The following RNF212B variants were observed in gnomAD, a reference collection of about 807,000 sequenced individuals.
RNF212B encodes the protein ring finger protein 212B, also known as E3 ubiquitin-protein ligase RNF212B.
Under a neutral mutation model 55.5 loss-of-function variants are expected in RNF212B, and 52 were observed. That is an observed-to-expected ratio of 0.94 (90% CI 0.75 to 1.18). The LOEUF is 1.18. Among genes scored for constraint, RNF212B ranks in the 50% most tolerant of loss-of-function variants. RNF212B has a pLI of 0.00. For synonymous variants in RNF212B, 99 were observed against 121.4 expected, an observed-to-expected ratio of 0.82 and a Z score of 1.21; for missense variants, 289 against 350.4, an observed-to-expected ratio of 0.82 and a Z score of 1.40.
At position 23,273,052 on chromosome 14, in the gene RNF212B, C is replaced by T. The variant is rs1387355371; in HGVS notation, c.*161C>T. The T allele has an allele frequency of 1.3e-5, 6 of 464,048 alleles. No homozygotes were observed. Among genetic ancestry groups the T allele is most frequent in the Middle Eastern group, 4.2e-4 (1 of 2,402 alleles). The allele number at this position is 464,048 out of a possible 1,614,324, so 28.7% of individuals were successfully genotyped here. ...ATCTTTACCCTATTCACCCTTATCA[C>T]CTCCCAGGACAGTGGTCAGGTCTTA... On this transcript the variant is annotated 3_prime_UTR_variant, in exon 15 of 15. Transcript: ENST00000430154.
chr14:23,216,200 C>T (rs991561700), intron 2 of RNF212B, among the ~76,000 whole-genome samples: 1 of 151,856 alleles, frequency 6.6e-6, no homozygotes, highest in East Asian at 1.9e-4. Flanking sequence ...GAGTCAAGAT[C>T]GTGCCACTGC....
chr14:23,188,677 C>T (rs368820298), intron 1 of RNF212B, among the ~76,000 whole-genome samples: 15 of 152,086 alleles, frequency 9.9e-5, no homozygotes, highest in African/African-American at 2.9e-4. Flanking sequence ...ACTGCATTAC[C>T]CAGGCTGATC....
chr14:23,218,434 T>C (rs184378534), intron 2 of RNF212B, among the ~76,000 whole-genome samples: 1 of 150,616 alleles, frequency 6.6e-6, no homozygotes, highest in Admixed American at 6.6e-5. Context: ...AAAAGTAATC[T>C]CTTAAAAGTA....
At chr14:23,255,655 A>G (rs1884774514) in intron 4 of RNF212B, among the ~76,000 whole-genome samples, 1 of 152,242 alleles carries the variant, frequency 6.6e-6, no homozygotes, top group Non-Finnish European at 1.5e-5. Context: ...GTTTGGGACC[A>G]GGAGTTCAAG....
At chr14:23,220,517 G>A (rs945307394) in intron 2 of RNF212B, among the ~76,000 whole-genome samples, 1 of 151,722 alleles carries the variant, frequency 6.6e-6, no homozygotes, top group African/African-American at 2.4e-5. Context: ...GGGCAACATA[G>A]CGAGACTCTG....
chr14:23,206,981 A>G (rs534115842), intron 2 of RNF212B, among the ~76,000 whole-genome samples: 12 of 152,326 alleles, frequency 7.9e-5, no homozygotes, highest in Non-Finnish European at 1.6e-4. Context: ...AGGCCTTTCA[A>G]ATACAAACAT....
At chr14:23,268,741 G>A (rs1376557039) in intron 11 of RNF212B, among the ~76,000 whole-genome samples, 183 bp from the exon 12 acceptor site, 1 of 152,286 alleles carries the variant, frequency 6.6e-6, no homozygotes, top group African/African-American at 2.4e-5. Flanking sequence ...AAAGGGAGAG[G>A]AAAGCACCTA....
chr14:23,264,196 A>G lies in RNF212B; in HGVS notation c.547A>G (p.Ile183Val). 2 of 1,550,326 alleles carry G rather than the reference A, an allele frequency of 1.3e-6. No homozygotes were observed. The highest frequency in any genetic ancestry group is 1.7e-6 in the Non-Finnish European group (2 of 1,146,670). Residue 183 changes from isoleucine (I) to valine (V), a missense_variant, in exon 10 of 15, where the codon ATT becomes GTT. By Grantham distance (29) the Ile-to-Val change is conservative. Transcript: ENST00000430154. ...CAGTCGGTCCTCCTCAGCGGAATCTATTCCTTATAGAGAGGCTGGCTTTGG... is the reference window on the plus strand; with the variant it reads ...CAGTCGGTCCTCCTCAGCGGAATCTGTTCCTTATAGAGAGGCTGGCTTTGG... The part of the protein sequence containing the change: ...VVSRSSSAES[I>V]PYREAGFGSL...
intron 4 of RNF212B, among the ~76,000 whole-genome samples, chr14:23,246,102 A>G (rs1263789205): frequency 6.6e-6 from 1 of 151,438 alleles, no homozygotes; most frequent in African/African-American, 2.4e-5. Context: ...GGAGAACCTC[A>G]TATAGATCTG....
intron 2 of RNF212B, among the ~76,000 whole-genome samples, chr14:23,201,122 A>G (rs757488499): frequency 1.3e-5 from 2 of 152,220 alleles, no homozygotes; most frequent in Non-Finnish European, 1.5e-5. Context: ...AGTTCAGTCC[A>G]TGCAGTTAAT....
chr14:23,242,135 T>C (rs1883644704), intron 2 of RNF212B, among the ~76,000 whole-genome samples: 1 of 106,176 alleles, frequency 9.4e-6, no homozygotes, highest in South Asian at 3.2e-4. Context: ...GAAAAACCTT[T>C]AGTCCCCAGA....
At chr14:23,230,717 C>T (rs1194471779) in intron 2 of RNF212B, among the ~76,000 whole-genome samples, 2 of 150,208 alleles carry the variant, frequency 1.3e-5, no homozygotes, top group South Asian at 2.1e-4. Flanking sequence ...AAGATTTTCC[C>T]CTATATTTTC....
chr14:23,272,392 C>G (rs965768556), intron 14 of RNF212B: 3 of 229,176 alleles, frequency 1.3e-5, no homozygotes, highest in Non-Finnish European at 2.6e-5. Flanking sequence ...GCACTCCAGC[C>G]TGGGTGACAG....
chr14:23,254,460 A>T (rs1884657096), intron 4 of RNF212B, among the ~76,000 whole-genome samples: 1 of 152,186 alleles, frequency 6.6e-6, no homozygotes, highest in South Asian at 2.1e-4. Context: ...TCTCTATCAA[A>T]ATAAAAATAA....
At chr14:23,218,442 G>C (rs1881289883) in intron 2 of RNF212B, among the ~76,000 whole-genome samples, 1 of 151,204 alleles carries the variant, frequency 6.6e-6, no homozygotes. Context: ...TCTCTTAAAA[G>C]TAGAATTGAT....
At chr14:23,238,635 G>A (rs534374658) in intron 1 of RNF212B, among the ~76,000 whole-genome samples, 6 of 151,864 alleles carry the variant, frequency 4.0e-5, no homozygotes, top group Non-Finnish European at 8.8e-5. Context: ...CTACTCCAGA[G>A]GCTGAGGTGG....
intron 2 of RNF212B, among the ~76,000 whole-genome samples, chr14:23,217,659 A>T (rs1441751995): frequency 2.6e-5 from 4 of 152,132 alleles, no homozygotes; most frequent in Non-Finnish European, 5.9e-5. Context: ...TCCAGATCAC[A>T]TCCAAGACCA....
chr14:23,248,444 T>A lies in RNF212B; in HGVS notation c.228+4048T>A, dbSNP rs1159915829. On this transcript the variant is annotated intron_variant, in intron 4 of 14. Transcript: ENST00000430154. ...ACCACGCCCAACCCCAAGCCTCTTT[T>A]TTTTTTTTTTTTTTTGAGACAGAGT... Among the ~76,000 whole-genome samples the A allele has an allele frequency of 2.1e-5, 3 of 145,670 alleles. No individual in the cohort carries two copies. In the East Asian group the frequency reaches 6.0e-4, roughly 29 times the overall value.
At chr14:23,231,839 G>A (rs1321631604) in intron 2 of RNF212B, among the ~76,000 whole-genome samples, 3 of 152,188 alleles carry the variant, frequency 2.0e-5, no homozygotes, top group East Asian at 1.9e-4. Flanking sequence ...AGGGGGTTTC[G>A]CTGTGTTGGC....
Sources: gnomAD v4.1 joint callset for allele counts (sites outside exome capture counted in the v4.1 genomes callset) on GRCh38, gnomAD v4.1.1 for gene constraint, MANE v1.5 for transcripts, NCBI Gene and HGNC (gene_info 2026-07-23, HGNC 2026-07-21) for gene names.